CFAP61: variants seen among roughly 807,000 people sequenced by gnomAD.
The protein encoded by CFAP61 is cilia and flagella associated protein 61, also known as cilia- and flagella-associated protein 61.
In CFAP61, 107 loss-of-function variants were observed where a neutral mutation model predicts 135.6. That is an observed-to-expected ratio of 0.79 (90% CI 0.67 to 0.93). The LOEUF (loss-of-function observed/expected upper bound fraction) is 0.93, where lower values mean the gene tolerates loss of function less well. Among genes scored for constraint, CFAP61 ranks in the 40% least tolerant of loss-of-function variants. The pLI, the probability that CFAP61 is intolerant of heterozygous loss-of-function variation, is 0.00. For missense variants in CFAP61, 1,507 were observed against 1,556.2 expected, an observed-to-expected ratio of 0.97 and a Z score of 0.53; for synonymous variants, 575 against 578.5, an observed-to-expected ratio of 0.99 and a Z score of 0.09.
At chr20:20,229,261 G>C (rs1051502658) in intron 18 of CFAP61, among the ~76,000 whole-genome samples, 1 of 152,144 alleles carries the variant, frequency 6.6e-6, no homozygotes, top group Non-Finnish European at 1.5e-5. Context: ...TCGGGATCAT[G>C]GCCTGGCATC....
At chr20:20,169,531 T>C in intron 13 of CFAP61, 71 bp downstream of exon 13, 1 of 1,308,658 alleles carries the variant, frequency 7.6e-7, no homozygotes, top group Non-Finnish European at 1.0e-6. Flanking sequence ...AGGAACTCCC[T>C]GCTATTATAA....
chr20:20,059,217 A>G (rs1600333768), intron 2 of CFAP61, among the ~76,000 whole-genome samples: 1 of 147,676 alleles, frequency 6.8e-6, no homozygotes, highest in Non-Finnish European at 1.5e-5. Context: ...TAGTCCCACT[A>G]CTCGGGAGGC....
intron 12 of CFAP61, among the ~76,000 whole-genome samples, chr20:20,168,847 C>A (rs1436982420): frequency 6.6e-6 from 1 of 152,152 alleles, no homozygotes; most frequent in African/African-American, 2.4e-5. Flanking sequence ...AATACGTACA[C>A]ATTGGTTTAT....
intron 20 of CFAP61, among the ~76,000 whole-genome samples, chr20:20,252,509 C>T (rs2051017314): frequency 6.6e-6 from 1 of 152,148 alleles, no homozygotes; most frequent in Admixed American, 6.6e-5. Flanking sequence ...TGTGGCTCAA[C>T]ACAAATTTGT....
At chr20:20,356,025 G>A (rs553082435) in intron 26 of CFAP61, among the ~76,000 whole-genome samples, 99 of 143,678 alleles carry the variant, frequency 6.9e-4, no homozygotes, top group African/African-American at 2.4e-3. Flanking sequence ...TGTGAGAGGG[G>A]AGGTGACCAC....
intron 7 of CFAP61, among the ~76,000 whole-genome samples, chr20:20,091,463 A>G (rs1438227976): frequency 6.6e-6 from 1 of 150,960 alleles, no homozygotes; most frequent in African/African-American, 2.4e-5. Flanking sequence ...CTCTTGTTCA[A>G]CCTTTCTAAT....
chr20:20,291,200 A>G (rs1409635601), intron 24 of CFAP61, among the ~76,000 whole-genome samples: 1 of 152,156 alleles, frequency 6.6e-6, no homozygotes, highest in Non-Finnish European at 1.5e-5. Flanking sequence ...ATTAGCGTTC[A>G]TTCTTGGTTG....
chr20:20,134,879 T>C (rs972229576), intron 8 of CFAP61, among the ~76,000 whole-genome samples: 1 of 152,138 alleles, frequency 6.6e-6, no homozygotes, highest in Non-Finnish European at 1.5e-5. Context: ...TACACTGCAT[T>C]CAGTCAGCCA....
At chr20:20,289,151 A>G (rs2054815464) in intron 23 of CFAP61, among the ~76,000 whole-genome samples, 1 of 152,194 alleles carries the variant, frequency 6.6e-6, no homozygotes. Flanking sequence ...TTGAGCATTT[A>G]CTATGGACCA....
chr20:20,209,659 C>T (rs1471446782), intron 17 of CFAP61, among the ~76,000 whole-genome samples: 1 of 152,086 alleles, frequency 6.6e-6, no homozygotes, highest in Non-Finnish European at 1.5e-5. Context: ...GTAAAAGTAA[C>T]CTCCATCAAT....
intron 8 of CFAP61, among the ~76,000 whole-genome samples, chr20:20,125,835 T>C (rs1445690164): frequency 2.0e-5 from 3 of 151,860 alleles, no homozygotes; most frequent in African/African-American, 7.3e-5. Context: ...CCCACTATTA[T>C]TGTGTTGCTG....
At chr20:20,086,155 TTTTTTC>T (rs1359945032) in intron 6 of CFAP61, among the ~76,000 whole-genome samples, 2 of 151,956 alleles carry the variant, frequency 1.3e-5, no homozygotes, top group African/African-American at 4.8e-5. Flanking sequence ...TTTCTTTTTT[TTTTTTC>T]TTTCAAATTT....
intron 7 of CFAP61, among the ~76,000 whole-genome samples, chr20:20,098,342 G>C (rs1302945933): frequency 2.0e-5 from 3 of 152,256 alleles, no homozygotes; most frequent in East Asian, 3.9e-4. Context: ...GGGTGTGGTG[G>C]CTCATGCCTG....
intron 25 of CFAP61, among the ~76,000 whole-genome samples, chr20:20,313,649 CA>C (rs1057152651): frequency 1.3e-5 from 2 of 152,308 alleles, no homozygotes; most frequent in East Asian, 3.9e-4. Context: ...TCATTCTCAC[CA>C]AACCGAGTAA....
chr20:20,103,145 C>G lies in CFAP61; in HGVS notation c.859+4331C>G, dbSNP rs114527154. Among the ~76,000 whole-genome samples the G allele has an allele frequency of 3.9e-3, 591 of 152,028 alleles. 6 individuals carry two copies. Among genetic ancestry groups the G allele is most frequent in the African/African-American group, 0.013 (550 of 41,462 alleles). On this transcript the variant is annotated intron_variant, in intron 8 of 26. Transcript: ENST00000245957. Reference sequence around the variant, plus strand: ...CTGAGCAGAAAGTGCTTTTCAGGATCTATTTTTGGAGGTTTATTAAGTATG... The same window carrying G: ...CTGAGCAGAAAGTGCTTTTCAGGATGTATTTTTGGAGGTTTATTAAGTATG...
rs143210107 is a variant in CFAP61 at position 20,074,337 on chromosome 20, C to T, written c.330C>T (p.Ala110=). The T allele has an allele frequency of 3.7e-5, 60 of 1,614,074 alleles. No individual in the cohort carries two copies. In the African/African-American group the frequency reaches 4.8e-4, roughly 13 times the overall value. Residue 110 remains alanine (A), a synonymous_variant, in exon 4 of 27, where the codon GCC becomes GCT. Coordinates refer to ENST00000245957, the MANE Select transcript of CFAP61 (RefSeq NM_015585.4). ...CGTTGTTCATGCACCTCTTTGTGGC[C>T]GTGGATGAGTATTCTGTTGGCTGTT... ...LNTLFMHLFV[A]VDEYSVGCCK... is the part of the protein sequence containing the mutation.
chr20:20,202,611 A>G (rs1262327941), intron 17 of CFAP61, among the ~76,000 whole-genome samples: 1 of 152,212 alleles, frequency 6.6e-6, no homozygotes, highest in Non-Finnish European at 1.5e-5. Context: ...GCCAAGTAGA[A>G]TATTTTTAGG....
chr20:20,184,635 G>A (rs1346242698), intron 13 of CFAP61: 1 of 152,248 alleles, frequency 6.6e-6, no homozygotes, highest in East Asian at 1.9e-4. Flanking sequence ...TTACAGGTAG[G>A]AACTTCTGAT....
At chr20:20,288,368 C>T (rs1204675454) in intron 22 of CFAP61, among the ~76,000 whole-genome samples, 1 of 152,210 alleles carries the variant, frequency 6.6e-6, no homozygotes, top group Admixed American at 6.5e-5. Flanking sequence ...CATCACCTGG[C>T]ATCCTTCTCT....
Sources: allele counts gnomAD v4.1 joint callset (sites outside exome capture counted in the v4.1 genomes callset), GRCh38; gene constraint gnomAD v4.1.1; transcripts MANE v1.5; gene names NCBI Gene and HGNC (gene_info 2026-07-23, HGNC 2026-07-21).